ELMO1: variants seen among roughly 807,000 people sequenced by gnomAD.
ELMO1 encodes engulfment and cell motility protein 1.
Under a neutral mutation model 98.9 loss-of-function variants are expected in ELMO1, and 26 were observed. That is an observed-to-expected ratio of 0.26 (90% CI 0.19 to 0.36). The LOEUF (loss-of-function observed/expected upper bound fraction) is 0.36. ELMO1 is among the 10% of genes least tolerant of loss of function. The pLI is 1.00. For synonymous variants in ELMO1, 346 were observed against 346.0 expected, an observed-to-expected ratio of 1.00 and a Z score of 0.00; for missense variants, 627 against 935.2, an observed-to-expected ratio of 0.67 and a Z score of 4.30.
chr7:36,955,922 C>G (rs1788403532), intron 16 of ELMO1, among the ~76,000 whole-genome samples: 2 of 152,194 alleles, frequency 1.3e-5, no homozygotes, highest in African/African-American at 4.8e-5. Flanking sequence ...ACTGTTCTCA[C>G]TTCTCTTTTT....
At chr7:36,994,108 CTG>C (rs1385263119) in intron 16 of ELMO1, among the ~76,000 whole-genome samples, 1 of 152,144 alleles carries the variant, frequency 6.6e-6, no homozygotes, top group Non-Finnish European at 1.5e-5. Context: ...ACATGTCGCC[CTG>C]TGTTTCCTTC....
At position 36,939,367 on chromosome 7, in the gene ELMO1, T is replaced by A. The variant is rs56150098; in HGVS notation, c.1438-44350A>T. Among the ~76,000 whole-genome samples the A allele has an allele frequency of 8.4e-4, 69 of 82,168 alleles. 4 individuals are homozygous for A. Among genetic ancestry groups the A allele is most frequent in the Middle Eastern group, 7.1e-3 (1 of 140 alleles). The allele number at this position is 82,168 out of a possible 152,430, so 53.9% of individuals were successfully genotyped here. ...TTAACCTAGTCAGGCTAGGGGTTCA[T>A]GTACTCATAGAAGACTTAACCTAGT... is the stretch of plus-strand genomic sequence containing the variant. On this transcript the variant is annotated intron_variant, in intron 16 of 21. Transcript: ENST00000310758.
intron 1 of ELMO1, among the ~76,000 whole-genome samples, chr7:37,421,419 C>T (rs368084112): frequency 1.7e-4 from 26 of 152,338 alleles, no homozygotes; most frequent in Middle Eastern, 3.4e-3. Flanking sequence ...TGCACCCTTC[C>T]GAAATACATT....
At chr7:37,046,364 G>T (rs144956579) in intron 15 of ELMO1, among the ~76,000 whole-genome samples, 42 of 152,212 alleles carry the variant, frequency 2.8e-4, no homozygotes, top group African/African-American at 9.4e-4. Flanking sequence ...TGCTCATAAG[G>T]AATCCCAAGA....
At chr7:37,268,602 T>C (rs897049279) in intron 5 of ELMO1, among the ~76,000 whole-genome samples, 1 of 152,160 alleles carries the variant, frequency 6.6e-6, no homozygotes, top group Non-Finnish European at 1.5e-5. Context: ...ACCCAGCCTA[T>C]ATTTTTTATG....
intron 6 of ELMO1, among the ~76,000 whole-genome samples, chr7:37,258,583 TC>T (rs1232097536): frequency 2.0e-5 from 3 of 152,220 alleles, no homozygotes; most frequent in African/African-American, 7.2e-5. Context: ...GAAAAAATTT[TC>T]CTTTGTTCAA....
rs1233252060 is a variant in ELMO1, at chr7:37,043,936, T to C, written c.1301-30501A>G. The stretch of plus-strand genomic sequence containing the variant: ...GCCAAGTTCCTCTGTCTCTTTATAA[T>C]GGTGATGCCATCTCCATTCCCCAAG... On this transcript the variant is annotated intron_variant, in intron 15 of 21. Coordinates refer to ENST00000310758, the MANE Select transcript of ELMO1 (RefSeq NM_014800.11). 5.3e-5 allele frequency among the ~76,000 whole-genome samples: 8 copies of C among 152,274 alleles called. No individual in the cohort carries two copies. In the East Asian group the frequency reaches 7.7e-4, roughly 15 times the overall value.
chr7:37,295,838 C>G (rs1294420408), intron 4 of ELMO1, among the ~76,000 whole-genome samples: 6 of 152,118 alleles, frequency 3.9e-5, no homozygotes, highest in Non-Finnish European at 7.4e-5. Context: ...AATAATAAGA[C>G]TTTTATTAAC....
intron 2 of ELMO1, among the ~76,000 whole-genome samples, chr7:37,336,002 G>A (rs1175125466): frequency 1.3e-5 from 2 of 152,088 alleles, no homozygotes; most frequent in East Asian, 1.9e-4. Context: ...TGAGGTGGGA[G>A]GATCGCTTAA....
At chr7:37,048,933 A>G (rs568204819) in intron 15 of ELMO1, among the ~76,000 whole-genome samples, 16 of 152,306 alleles carry the variant, frequency 1.1e-4, no homozygotes, top group African/African-American at 3.8e-4. Flanking sequence ...CACAGACATG[A>G]AAACAGAATG....
At chr7:36,979,405 T>C (rs528773773) in intron 16 of ELMO1, among the ~76,000 whole-genome samples, 7 of 152,224 alleles carry the variant, frequency 4.6e-5, no homozygotes, top group East Asian at 1.9e-4. Flanking sequence ...GATTAAGGAG[T>C]CCCTCTACCC....
At chr7:36,950,312 T>C (rs893594954) in intron 16 of ELMO1, among the ~76,000 whole-genome samples, 1 of 152,160 alleles carries the variant, frequency 6.6e-6, no homozygotes, top group Non-Finnish European at 1.5e-5. Flanking sequence ...CAGCCCACAG[T>C]AGCTTTTTAT....
intron 14 of ELMO1, among the ~76,000 whole-genome samples, chr7:37,109,519 C>T (rs750113882): frequency 2.6e-5 from 4 of 152,136 alleles, no homozygotes; most frequent in Non-Finnish European, 4.4e-5. Flanking sequence ...ACTCCTCCGC[C>T]GCCCCCCTCC....
intron 1 of ELMO1, among the ~76,000 whole-genome samples, chr7:37,373,725 CAAACAATTTGCACTCACTTT>C (rs1802214295): frequency 1.3e-5 from 2 of 152,082 alleles, no homozygotes; most frequent in Non-Finnish European, 2.9e-5. Flanking sequence ...AATGGCTGTG[CAAACAATTTGCACTCACTTT>C]AAACCAATAC....
At position 37,384,242 on chromosome 7, in the gene ELMO1, C is replaced by T. The variant is rs576935192; in HGVS notation, c.-73-41479G>A. 1.1e-4 allele frequency among the ~76,000 whole-genome samples: 17 copies of T among 152,282 alleles called. No individual in the cohort carries two copies. The South Asian group carries it at 3.3e-3, about 30-fold the overall frequency. On this transcript the variant is annotated intron_variant, in intron 1 of 21. Coordinates refer to ENST00000310758, the MANE Select transcript of ELMO1 (RefSeq NM_014800.11). ...TACAGATTATTACCTCTTTTAGTAA[C>T]ACAGACTGAAAACAAATGACACGAT...
At chr7:37,293,734 A>AATG (rs1395320874) in intron 4 of ELMO1, among the ~76,000 whole-genome samples, 1 of 94,128 alleles carries the variant, frequency 1.1e-5, no homozygotes, top group Non-Finnish European at 2.5e-5. Context: ...AAATAATAAT[A>AATG]ATAATAAAAA....
At chr7:37,120,886 G>A (rs1785976595) in intron 14 of ELMO1, among the ~76,000 whole-genome samples, 1 of 152,176 alleles carries the variant, frequency 6.6e-6, no homozygotes, top group African/African-American at 2.4e-5. Flanking sequence ...AGTAGGGGCA[G>A]ACTGACACCT....
intron 5 of ELMO1, among the ~76,000 whole-genome samples, chr7:37,264,081 G>C (rs1395630493): frequency 6.6e-6 from 1 of 152,190 alleles, no homozygotes; most frequent in Non-Finnish European, 1.5e-5. Context: ...GTAAAATAGT[G>C]TGAGAACATC....
In ELMO1 at chr7:37,342,417, G is replaced by A. The variant is rs1583589416; in HGVS notation, c.78+196C>T. 6.6e-6 allele frequency among the ~76,000 whole-genome samples: 1 copy of A among 152,160 alleles called. No individual in the cohort carries two copies. The highest frequency in any genetic ancestry group is 2.4e-5 in the African/African-American group (1 of 41,426). ...ATCCTGTATTGACACAATCCAAGTG[G>A]ATGCTGGAAGAGTATAAAAACCCCA... On this transcript the variant is annotated intron_variant, in intron 2 of 21. Transcript: ENST00000310758. The surrounding 1 kb of genome is among the most constrained non-coding windows in gnomAD (Gnocchi z 4.3).
Sources: gnomAD v4.1 joint callset for allele counts (sites outside exome capture counted in the v4.1 genomes callset) on GRCh38, gnomAD v4.1.1 for gene constraint, Gnocchi (gnomAD v3.1) non-coding constraint, MANE v1.5 for transcripts, NCBI Gene and HGNC (gene_info 2026-07-23, HGNC 2026-07-21) for gene names.